LIMK2: variants seen among roughly 807,000 people sequenced by gnomAD.
LIMK2 encodes LIM domain kinase 2.
Under a neutral mutation model 75.7 loss-of-function variants are expected in LIMK2, and 35 were observed. That is an observed-to-expected ratio of 0.46 (90% confidence interval 0.35 to 0.61). The LOEUF (loss-of-function observed/expected upper bound fraction) is 0.61. LIMK2 is among the 20% of genes least tolerant of loss of function. The pLI, the probability that LIMK2 is intolerant of heterozygous loss-of-function variation, is 0.00. For missense variants in LIMK2, 623 were observed against 831.0 expected, an observed-to-expected ratio of 0.75 and a Z score of 3.08; for synonymous variants, 301 against 319.2, an observed-to-expected ratio of 0.94 and a Z score of 0.61.
chr22:31,238,082 T>C (rs2048594546), intron 2 of LIMK2, among the ~76,000 whole-genome samples: 1 of 149,698 alleles, frequency 6.7e-6, no homozygotes, highest in Admixed American at 6.7e-5. Context: ...GCCACTGCAC[T>C]TCAGCCTGGG....
chr22:31,233,153 A>C (rs1381697638), intron 2 of LIMK2, among the ~76,000 whole-genome samples: 1 of 152,198 alleles, frequency 6.6e-6, no homozygotes, highest in Non-Finnish European at 1.5e-5. Context: ...CTTGAGCTTA[A>C]ATGCCAGCTT....
At chr22:31,248,473 GCTT>G (rs1256955862) in intron 2 of LIMK2, 2 of 1,509,666 alleles carry the variant, frequency 1.3e-6, no homozygotes, top group East Asian at 2.6e-5. Context: ...GGCCGCCTGA[GCTT>G]CTGAGAACTA....
chr22:31,231,819 A>T lies in LIMK2; in HGVS notation c.116+6000A>T, dbSNP rs544062122. On this transcript the variant is annotated intron_variant, in intron 2 of 15. Transcript: ENST00000331728. Reference sequence around the variant, plus strand: ...ATTCAATCTTCATAATAACCCTGCAACCCCCACCTTTTTTTGAGACAGGGT... The same window carrying T: ...ATTCAATCTTCATAATAACCCTGCATCCCCCACCTTTTTTTGAGACAGGGT... Among the ~76,000 whole-genome samples the T allele has an allele frequency of 1.3e-3, 197 of 151,970 alleles. 2 individuals carry two copies. Among genetic ancestry groups the T allele is most frequent in the African/African-American group, 4.5e-3 (188 of 41,432 alleles).
chr22:31,222,219 C>T (rs1181277688), intron 1 of LIMK2, among the ~76,000 whole-genome samples: 1 of 151,550 alleles, frequency 6.6e-6, no homozygotes, highest in Non-Finnish European at 1.5e-5. Flanking sequence ...TACAGGCATG[C>T]ACCACCATGC....
At chr22:31,258,180 T>C in intron 2 of LIMK2, 111 bp from the exon 3 acceptor site, 2 of 1,179,528 alleles carry the variant, frequency 1.7e-6, no homozygotes, top group South Asian at 1.6e-5. Flanking sequence ...CATCTTGGCT[T>C]TGGATCAAAG....
At position 31,262,513 on chromosome 22, in the gene LIMK2, C is replaced by A; in HGVS notation, c.658-82C>A. ...TTAGACAAGTTGAGCACTGGCCACACTGTGCCTGAGTCATCTGGGTTGGCC... is the reference window on the plus strand; with the variant it reads ...TTAGACAAGTTGAGCACTGGCCACAATGTGCCTGAGTCATCTGGGTTGGCC... On this transcript the variant is annotated intron_variant, in intron 6 of 15. Transcript: ENST00000331728. The surrounding 1 kb of genome is among the most constrained non-coding windows in gnomAD (Gnocchi z 5.0). 1 of 1,368,046 alleles carries A rather than the reference C, an allele frequency of 7.3e-7. No individual in the cohort carries two copies. Among genetic ancestry groups the A allele is most frequent in the Non-Finnish European group, 1.0e-6 (1 of 982,912 alleles). The allele number at this position is 1,368,046 out of a possible 1,614,324, so 84.7% of individuals were successfully genotyped here.
intron 3 of LIMK2, 61 bp from the exon 4 acceptor site, chr22:31,259,060 G>A: frequency 1.0e-6 from 1 of 983,304 alleles, no homozygotes. Flanking sequence ...CCTCACTCCA[G>A]CAACAGTGAT....
chr22:31,222,327 TC>T (rs1475059062), intron 1 of LIMK2, among the ~76,000 whole-genome samples: 1 of 143,346 alleles, frequency 7.0e-6, no homozygotes, highest in African/African-American at 2.6e-5. Context: ...CGCCTCAGCC[TC>T]CCAAAGTACT....
chr22:31,267,887 A>G lies in LIMK2; in HGVS notation c.1240A>G (p.Lys414Glu), dbSNP rs1320349775. Reference protein sequence around the residue: ...LTEYIEGGTLKDFLRSMDPFP... With the variant: ...LTEYIEGGTLEDFLRSMDPFP... ...AGAGTACATTGAGGGGGGCACACTG[A>G]AGGACTTTCTGCGCAGTATGGTGAG... The change falls in exon 10 of 16, where the codon AAG (lysine) becomes GAG (glutamate). Residue 414 changes from lysine to glutamate, a missense_variant. This residue lies in a region of LIMK2 where 514 missense variants were observed against 661.3 expected (regional missense o/e 0.78). Coordinates refer to ENST00000331728, the MANE Select transcript of LIMK2 (RefSeq NM_005569.4). The G allele has an allele frequency of 6.2e-7, 1 of 1,605,674 alleles. No homozygotes were observed. Among genetic ancestry groups the G allele is most frequent in the Non-Finnish European group, 8.5e-7 (1 of 1,176,722 alleles).
At chr22:31,223,594 A>G (rs563584414) in intron 1 of LIMK2, among the ~76,000 whole-genome samples, 1 of 152,158 alleles carries the variant, frequency 6.6e-6, no homozygotes, top group Non-Finnish European at 1.5e-5. Context: ...TGGAAGATTC[A>G]TTTGGATGTT....
chr22:31,236,225 C>G (rs2048573118), intron 2 of LIMK2, among the ~76,000 whole-genome samples: 1 of 147,292 alleles, frequency 6.8e-6, no homozygotes, highest in Non-Finnish European at 1.5e-5. Flanking sequence ...ACCTGGAAGG[C>G]AGAGGTTGTA....
At chr22:31,246,183 G>GCGCACACACA (rs746599250) in intron 2 of LIMK2, among the ~76,000 whole-genome samples, 14 of 135,094 alleles carry the variant, frequency 1.0e-4, no homozygotes, top group South Asian at 2.5e-4. Flanking sequence ...ACGCACGCAC[G>GCGCACACACA]CACACACACA....
chr22:31,276,944 A>G (rs2049033219), intron 15 of LIMK2: 8 of 1,613,794 alleles, frequency 5.0e-6, no homozygotes, highest in Non-Finnish European at 5.9e-6. Context: ...ACGCGCCTCT[A>G]CGACTGCCAG....
At chr22:31,241,953 TAAAAG>T (rs1405933261) in intron 2 of LIMK2, among the ~76,000 whole-genome samples, 3 of 152,140 alleles carry the variant, frequency 2.0e-5, no homozygotes, top group Admixed American at 1.3e-4. Context: ...GCACTGAAAT[TAAAAG>T]AAAAGTTTTC....
At chr22:31,269,050 G>C (rs1002360896) in intron 11 of LIMK2, among the ~76,000 whole-genome samples, 1 of 121,834 alleles carries the variant, frequency 8.2e-6, no homozygotes, top group African/African-American at 2.7e-5. Flanking sequence ...TTGTTTGTTT[G>C]TTTGTTTTTT....
rs533636256 is a variant in LIMK2, at chr22:31,262,683, T to C, written c.746T>C (p.Leu249Pro). The C allele has an allele frequency of 6.2e-7, 1 of 1,614,192 alleles. No individual in the cohort carries two copies. Among genetic ancestry groups the C allele is most frequent in the Admixed American group, 1.7e-5 (1 of 60,014 alleles). Residue 249 changes from leucine (L) to proline (P), a missense_variant, in exon 7 of 16, where the codon CTG becomes CCG. Physicochemically the swap from Leu to Pro is moderately conservative, Grantham distance 98 (BLOSUM62 -3). Around this residue, in one of 3 missense-constraint regions of LIMK2, gnomAD observed 514 missense variants for 661.3 expected, o/e 0.78. Transcript: ENST00000331728. The surrounding 1 kb of genome is among the most constrained non-coding windows in gnomAD (Gnocchi z 5.0). ...TCCCAACGCCTGGACCAGCTGCGGC[T>C]GGAGGCCCGGCTCGCTCCTCACATG... ...PVSQRLDQLRLEARLAPHMQN... is the reference protein window; with the variant it reads ...PVSQRLDQLRPEARLAPHMQN...
At chr22:31,213,817 C>CTTTTTTTTTTTTTTTT (rs71689139) in intron 1 of LIMK2, among the ~76,000 whole-genome samples, 2 of 145,334 alleles carry the variant, frequency 1.4e-5, no homozygotes, top group Non-Finnish European at 1.5e-5. Context: ...TTTCCAGTAA[C>CTTTTTTTTTTTTTTTT]TTTTTTTTTT....
chr22:31,268,305 G>A, intron 11 of LIMK2, 105 bp downstream of exon 11: 1 of 912,966 alleles, frequency 1.1e-6, no homozygotes, highest in Admixed American at 1.8e-5. Context: ...AACTTGTGTG[G>A]GCTGGGTCAG....
chr22:31,231,879 C>G (rs1023988051), intron 2 of LIMK2, among the ~76,000 whole-genome samples: 2 of 152,070 alleles, frequency 1.3e-5, no homozygotes, highest in African/African-American at 4.8e-5. Flanking sequence ...TGCACTGGTA[C>G]AATCATAGTT....
Sources: gnomAD v4.1 joint callset for allele counts (sites outside exome capture counted in the v4.1 genomes callset) on GRCh38, gnomAD v4.1.1 for gene constraint, gnomAD v4.1.1 regional missense constraint, Gnocchi (gnomAD v3.1) non-coding constraint, MANE v1.5 for transcripts, NCBI Gene and HGNC (gene_info 2026-07-23, HGNC 2026-07-21) for gene names.